CLIP1: variants seen among roughly 807,000 people sequenced by gnomAD.
CLIP1 encodes the protein CAP-Gly domain containing linker protein 1, also known as CAP-Gly domain-containing linker protein 1.
A neutral mutation model predicts 161.6 loss-of-function variants in CLIP1; 66 were observed. The ratio of observed to expected loss-of-function variants is 0.41; its 90% CI spans 0.33 to 0.50. The LOEUF is 0.50. Ranked by LOEUF, CLIP1 falls within the 20% of genes least tolerant of loss-of-function variation. CLIP1 has a pLI of 0.27. For synonymous variants in CLIP1, 598 were observed against 626.2 expected (o/e 0.96, Z 0.67); for missense variants, 1,376 against 1,702.0 (o/e 0.81, Z 3.37).
At chr12:122,349,787 G>C (rs1443432187) in intron 9 of CLIP1, among the ~76,000 whole-genome samples, 4 of 152,248 alleles carry the variant, frequency 2.6e-5, no homozygotes, top group Non-Finnish European at 5.9e-5. Context: ...GGGGCAGCGG[G>C]AGCCTGTTTC....
chr12:122,386,286 AAAAAG>A (rs1237723878), intron 1 of CLIP1, among the ~76,000 whole-genome samples: 10 of 152,214 alleles, frequency 6.6e-5, no homozygotes, highest in Non-Finnish European at 5.9e-5. Flanking sequence ...TCCATCTCAA[AAAAAG>A]AAAAGAAAAA....
At chr12:122,321,970 G>T (rs1951522961) in intron 17 of CLIP1, among the ~76,000 whole-genome samples, 1 of 152,042 alleles carries the variant, frequency 6.6e-6, no homozygotes, top group Non-Finnish European at 1.5e-5. Context: ...AGACTGTAAC[G>T]AACAGCTTGA....
Position 122,334,064 on chromosome 12 carries a change from C to A in CLIP1, c.2673G>T (p.Leu891=). The A allele has an allele frequency of 6.2e-7, 1 of 1,613,362 alleles. No homozygotes were observed. Among genetic ancestry groups the A allele is most frequent in the Non-Finnish European group, 8.5e-7 (1 of 1,179,308 alleles). Residue 891 remains leucine, a synonymous_variant, in exon 14 of 26, where the codon CTG becomes CTT. Coordinates refer to ENST00000620786, the MANE Select transcript of CLIP1 (RefSeq NM_001247997.2). ...CTCTCAGCTTCTCCAAGTCAGAAGACAGCATGTTAAACTGTTCCTCCTTTT... is the reference window on the plus strand; with the variant it reads ...CTCTCAGCTTCTCCAAGTCAGAAGAAAGCATGTTAAACTGTTCCTCCTTTT... ...LHQKEEQFNM[L]SSDLEKLREN...
chr12:122,293,398 A>G (rs2136335822), intron 20 of CLIP1, among the ~76,000 whole-genome samples: 1 of 152,348 alleles, frequency 6.6e-6, no homozygotes, highest in South Asian at 2.1e-4. Flanking sequence ...GCTGAGAAGT[A>G]TGTGGGATAA....
At position 122,311,429 on chromosome 12, in the gene CLIP1, ATT is replaced by A. The variant is rs1315276456; in HGVS notation, c.3474-1549_3474-1548del. 1.3e-5 allele frequency among the ~76,000 whole-genome samples: 2 copies of A among 150,120 alleles called. No individual in the cohort carries two copies. Among genetic ancestry groups the A allele is most frequent in the South Asian group, 2.1e-4 (1 of 4,758 alleles). On this transcript the variant is annotated intron_variant, in intron 19 of 25. Coordinates refer to ENST00000620786, the MANE Select transcript of CLIP1 (RefSeq NM_001247997.2). The surrounding 1 kb of genome is among the most constrained non-coding windows in gnomAD (Gnocchi z 4.3). The stretch of plus-strand genomic sequence containing the variant: ...TAAAAACAAAATTATTATTATTATT[ATT>A]TTTTTTTTTTTGAGACAGAGTCTCG...
intron 17 of CLIP1, among the ~76,000 whole-genome samples, chr12:122,326,906 A>T (rs1255922631): frequency 6.6e-6 from 1 of 152,202 alleles, no homozygotes; most frequent in Non-Finnish European, 1.5e-5. Flanking sequence ...CATGTAGAAG[A>T]GGGAGAATAT....
intron 24 of CLIP1, chr12:122,276,413 C>A: frequency 1.6e-6 from 2 of 1,288,858 alleles, no homozygotes; most frequent in South Asian, 1.2e-5. Flanking sequence ...CACGTGTGCA[C>A]GCAAATTAGG....
chr12:122,290,046 G>T (rs114466440), intron 20 of CLIP1, among the ~76,000 whole-genome samples: 2 of 152,004 alleles, frequency 1.3e-5, no homozygotes, highest in African/African-American at 4.8e-5. Context: ...TTTTAAAAGG[G>T]TCAAAAAGCT....
chr12:122,300,702 G>A (rs4758670), intron 20 of CLIP1, among the ~76,000 whole-genome samples: 66,739 of 151,950 alleles, frequency 0.44, 16,433 homozygotes, highest in African/African-American at 0.66. Context: ...GTAGCCGCCC[G>A]TATTGAACAT....
intron 1 of CLIP1, among the ~76,000 whole-genome samples, chr12:122,408,888 T>G (rs141313647): frequency 1.2e-4 from 18 of 152,304 alleles, no homozygotes; most frequent in Non-Finnish European, 1.9e-4. Context: ...CTTGGCTCAC[T>G]GCAACCTCCG....
At chr12:122,364,727 A>C (rs1954040723) in intron 3 of CLIP1, 1 of 577,888 alleles carries the variant, frequency 1.7e-6, no homozygotes, top group Non-Finnish European at 3.3e-6. Flanking sequence ...TTCTAACAGA[A>C]ATGTTCCTGC....
At chr12:122,350,490 A>T (rs752002675) in intron 9 of CLIP1, among the ~76,000 whole-genome samples, 1 of 152,148 alleles carries the variant, frequency 6.6e-6, no homozygotes, top group Non-Finnish European at 1.5e-5. Context: ...AATTTAAAAC[A>T]TGCTATTGTC....
chr12:122,361,082 G>C lies in CLIP1; in HGVS notation c.882C>G (p.Asn294Lys), dbSNP rs111985493. ...TGGTCGCCATCACTCGCCTCACTGC[G>C]TTGGCCTTGGCTTTGGCTGGTGTAG... ...PSTTPAKAKA[N>K]AVRRVMATTS... Residue 294 changes from asparagine to lysine, a missense_variant, in exon 5 of 26, where the codon AAC becomes AAG. Physicochemically the swap from Asn to Lys is moderately conservative, Grantham distance 94. This residue lies in a region of CLIP1 where 211 missense variants were observed against 295.1 expected (regional missense o/e 0.72). Transcript: ENST00000620786. 77 of 1,614,140 alleles carry C rather than the reference G, an allele frequency of 4.8e-5. No homozygotes were observed. The highest frequency in any genetic ancestry group is 6.5e-5 in the Non-Finnish European group (77 of 1,180,062).
rs1442002514 is a variant in CLIP1 at position 122,340,842 on chromosome 12, A to T, written c.2362T>A (p.Ser788Thr). Residue 788 changes from serine (S) to threonine (T), a missense_variant, in exon 11 of 26, where the codon TCG becomes ACG. Transcript: ENST00000620786. ...ALRKASSEGK[S>T]EMKKLRQQLE... ...TGCTGTCTAAGTTTCTTCATTTCCG[A>T]TTTACCTTCGGAACTGGCTTTCCGA... 4 of 1,613,978 alleles carry T rather than the reference A, an allele frequency of 2.5e-6. No homozygotes were observed. The highest frequency in any genetic ancestry group is 3.4e-6 in the Non-Finnish European group (4 of 1,179,966).
intron 1 of CLIP1, among the ~76,000 whole-genome samples, chr12:122,406,223 T>G (rs780294624): frequency 1.3e-5 from 2 of 152,186 alleles, no homozygotes; most frequent in Admixed American, 1.3e-4. Context: ...GGTGGGCAGA[T>G]AGTTTTGAGC....
chr12:122,316,215 CTTTT>C (rs879515742), intron 19 of CLIP1, among the ~76,000 whole-genome samples: 1 of 141,946 alleles, frequency 7.0e-6, no homozygotes, highest in Non-Finnish European at 1.6e-5. Context: ...CGAGTCACTT[CTTTT>C]TTTTTTTTTG....
rs760065735 is a variant in CLIP1, at chr12:122,360,967, T to C, written c.997A>G (p.Thr333Ala). Residue 333 changes from threonine (T) to alanine (A), a missense_variant, in exon 5 of 26, where the codon ACA becomes GCA. This residue lies in a region of CLIP1 where 211 missense variants were observed against 295.1 expected (regional missense o/e 0.72). Coordinates refer to ENST00000620786, the MANE Select transcript of CLIP1 (RefSeq NM_001247997.2). ...TGAGAAAGGGGCCTTACTAGTCCTG[T>C]CCGACTGGGCCTGCTGCTCACAGAG... ...ASSVSSRPSRTGLLTETSSRY... is the reference protein window; with the variant it reads ...ASSVSSRPSRAGLLTETSSRY... The C allele has an allele frequency of 6.2e-7, 1 of 1,612,178 alleles. No homozygotes were observed. The highest frequency in any genetic ancestry group is 1.1e-5 in the South Asian group (1 of 91,016).
chr12:122,390,299 T>C (rs1430527768), intron 1 of CLIP1, among the ~76,000 whole-genome samples: 4 of 134,032 alleles, frequency 3.0e-5, no homozygotes, highest in Admixed American at 7.9e-5. Context: ...TATATATATA[T>C]ATATGTATAT....
At chr12:122,293,997 A>G in intron 20 of CLIP1, among the ~76,000 whole-genome samples, 1 of 151,868 alleles carries the variant, frequency 6.6e-6, no homozygotes, top group Admixed American at 6.6e-5. Context: ...GTGTTTACCC[A>G]TGATAAATGA....
Sources: gnomAD v4.1 joint callset for allele counts (sites outside exome capture counted in the v4.1 genomes callset) on GRCh38, gnomAD v4.1.1 for gene constraint, gnomAD v4.1.1 regional missense constraint, Gnocchi (gnomAD v3.1) non-coding constraint, MANE v1.5 for transcripts, NCBI Gene and HGNC (gene_info 2026-07-23, HGNC 2026-07-21) for gene names.